The following STK17B variants were observed in gnomAD, a reference collection of about 807,000 sequenced individuals.
STK17B encodes the protein serine/threonine-protein kinase 17B.
Under a neutral mutation model 42.0 loss-of-function variants are expected in STK17B, and 21 were observed. The ratio of observed to expected loss-of-function variants is 0.50; its 90% CI spans 0.35 to 0.72. The LOEUF (loss-of-function observed/expected upper bound fraction) is 0.72, where lower values mean the gene tolerates loss of function less well. Among genes scored for constraint, STK17B ranks in the 30% least tolerant of loss-of-function variants. STK17B has a pLI of 0.00. For missense variants in STK17B, 349 were observed against 446.0 expected, an observed-to-expected ratio of 0.78 and a Z score of 1.96; for synonymous variants, 143 against 148.4, an observed-to-expected ratio of 0.96 and a Z score of 0.26.
At chr2:196,160,364 A>C (rs79405859) in intron 2 of STK17B, among the ~76,000 whole-genome samples, 3,070 of 152,300 alleles carry the variant, frequency 0.02, 48 homozygotes, top group Non-Finnish European at 0.03. Context: ...GGGGTAGAAA[A>C]AACTTACCCA....
intron 5 of STK17B, 88 bp downstream of exon 5, chr2:196,143,472 A>G (rs1699522132): frequency 1.6e-6 from 2 of 1,280,516 alleles, no homozygotes; most frequent in Admixed American, 2.6e-5. Context: ...AACTGAATCG[A>G]ATTACATGCT....
chr2:196,137,812 T>G, intron 7 of STK17B, 83 bp from the exon 8 acceptor site: 4 of 1,441,882 alleles, frequency 2.8e-6, no homozygotes, highest in East Asian at 2.4e-5. Flanking sequence ...ATAGACATAT[T>G]TTTTACTTCT....
At chr2:196,166,659 T>C (rs550158203) in intron 1 of STK17B, among the ~76,000 whole-genome samples, 5 of 152,206 alleles carry the variant, frequency 3.3e-5, no homozygotes, top group Admixed American at 2.6e-4. Context: ...TTAATTCTCA[T>C]TATAATAATT....
intron 1 of STK17B, among the ~76,000 whole-genome samples, chr2:196,169,265 G>A (rs955752551): frequency 6.6e-6 from 1 of 151,714 alleles, no homozygotes; most frequent in African/African-American, 2.4e-5. Context: ...TAGTAGACAC[G>A]GGGTTTCACC....
At chr2:196,170,179 T>C (rs1281652403) in intron 1 of STK17B, among the ~76,000 whole-genome samples, 1 of 148,578 alleles carries the variant, frequency 6.7e-6, no homozygotes, top group Non-Finnish European at 1.5e-5. Context: ...AATGAGAAAG[T>C]AGGTTTATTT....
In STK17B at chr2:196,137,386, A is replaced by C. The variant is rs763309682; in HGVS notation, c.*61T>G. On this transcript the variant is annotated 3_prime_UTR_variant, in exon 8 of 8. Transcript: ENST00000263955. The stretch of plus-strand genomic sequence containing the variant: ...TGTCATATATGAAGCTACAAATCAT[A>C]ATCTCACTGGAGTGGATATAAAATT... The C allele has an allele frequency of 6.6e-7, 1 of 1,512,030 alleles. No individual in the cohort carries two copies. The allele number at this position is 1,512,030 out of a possible 1,614,324, so 93.7% of individuals were successfully genotyped here.
In STK17B at chr2:196,156,612, A is replaced by G. The variant is rs1487238434; in HGVS notation, c.162T>C (p.Ser54=). ...FAVVRQCISK[S]TGQEYAAKFL... The stretch of plus-strand genomic sequence containing the variant: ...ATTTTGCAGCATATTCTTGGCCAGT[A>G]GATTTTGATATACATTGTCTAACCA... Residue 54 remains serine, a synonymous_variant, in exon 3 of 8, where the codon TCT becomes TCC. Transcript: ENST00000263955. The G allele has an allele frequency of 6.2e-7, 1 of 1,613,990 alleles. No homozygotes were observed. The highest frequency in any genetic ancestry group is 1.1e-5 in the South Asian group (1 of 91,072).
intron 3 of STK17B, among the ~76,000 whole-genome samples, chr2:196,146,399 G>A (rs938851138): frequency 1.3e-5 from 2 of 152,056 alleles, no homozygotes; most frequent in African/African-American, 4.8e-5. Context: ...AGCTACTTGG[G>A]AAGCTGAGGC....
chr2:196,152,327 T>C (rs542689786), intron 3 of STK17B, among the ~76,000 whole-genome samples: 1 of 152,246 alleles, frequency 6.6e-6, no homozygotes, highest in East Asian at 1.9e-4. Context: ...CAGAATAGTC[T>C]CCATCTCCTG....
upstream of STK17B, among the ~76,000 whole-genome samples, chr2:196,172,208 G>A (rs536495506): frequency 6.6e-6 from 1 of 152,306 alleles, no homozygotes; most frequent in East Asian, 1.9e-4. Context: ...TGAAGGCAGT[G>A]TAGGGAGGGT....
intron 3 of STK17B, among the ~76,000 whole-genome samples, chr2:196,152,157 C>T (rs182972583): frequency 1.5e-4 from 22 of 150,532 alleles, no homozygotes; most frequent in Admixed American, 9.9e-4. Context: ...CCCAGCCTGG[C>T]GCGTAGTGGT....
chr2:196,163,143 T>A, intron 2 of STK17B, 119 bp downstream of exon 2: 1 of 1,255,068 alleles, frequency 8.0e-7, no homozygotes, highest in Admixed American at 2.1e-5. Flanking sequence ...GCAACAGAGA[T>A]CACAACTTTC....
intron 3 of STK17B, among the ~76,000 whole-genome samples, 167 bp from the exon 4 acceptor site, chr2:196,146,222 G>A (rs535947825): frequency 1.5e-4 from 23 of 152,160 alleles, no homozygotes; most frequent in Non-Finnish European, 2.6e-4. Context: ...AATAAGTGAT[G>A]ATGGCTGGGT....
chr2:196,162,322 G>A lies in STK17B; in HGVS notation c.122+940C>T, dbSNP rs540484175. On this transcript the variant is annotated intron_variant, in intron 2 of 7. Coordinates refer to ENST00000263955, the MANE Select transcript of STK17B (RefSeq NM_004226.4). ...CTTTTTACTTATAAACCACTCATTTGTTGTGACATAGAATCAGACTATGAA... is the reference window on the plus strand; with the variant it reads ...CTTTTTACTTATAAACCACTCATTTATTGTGACATAGAATCAGACTATGAA... Among the ~76,000 whole-genome samples, 5 of 151,546 alleles carry A rather than the reference G, an allele frequency of 3.3e-5. No homozygotes were observed. In the South Asian group the frequency reaches 8.4e-4, roughly 25 times the overall value.
At chr2:196,143,441 T>A in intron 5 of STK17B, 119 bp downstream of exon 5, 2 of 1,001,414 alleles carry the variant, frequency 2.0e-6, no homozygotes, top group Non-Finnish European at 1.4e-6. Flanking sequence ...ATCAAAATAC[T>A]TGAACCAATC....
intron 2 of STK17B, among the ~76,000 whole-genome samples, chr2:196,156,863 T>C (rs1186984589): frequency 6.6e-6 from 1 of 152,182 alleles, no homozygotes; most frequent in Admixed American, 6.5e-5. Flanking sequence ...TGGCAAACTA[T>C]AACAACAGGA....
intron 1 of STK17B, among the ~76,000 whole-genome samples, chr2:196,166,856 T>C (rs1352934108): frequency 4.6e-5 from 7 of 152,206 alleles, no homozygotes. Context: ...AATTATCAAA[T>C]AAGAAAGTTT....
intron 3 of STK17B, 140 bp from the exon 4 acceptor site, chr2:196,146,195 A>G: frequency 1.1e-6 from 1 of 926,190 alleles, no homozygotes; most frequent in Non-Finnish European, 1.5e-6. Context: ...GGGAAGTGAG[A>G]GATCTTTAAG....
At chr2:196,161,030 C>T (rs533568397) in intron 2 of STK17B, among the ~76,000 whole-genome samples, 40 of 152,238 alleles carry the variant, frequency 2.6e-4, no homozygotes, top group African/African-American at 9.4e-4. Context: ...AGTAAATTTA[C>T]TCATCAAATA....
Sources: gnomAD v4.1 joint callset for allele counts (sites outside exome capture counted in the v4.1 genomes callset) on GRCh38, gnomAD v4.1.1 for gene constraint, MANE v1.5 for transcripts, NCBI Gene and HGNC (gene_info 2026-07-23, HGNC 2026-07-21) for gene names.